The following PTPN6 variants were observed in gnomAD, a reference collection of about 807,000 sequenced individuals.
PTPN6 encodes the protein tyrosine-protein phosphatase non-receptor type 6.
A neutral mutation model predicts 81.5 loss-of-function variants in PTPN6; 18 were observed. The ratio of observed to expected loss-of-function variants is 0.22; its 90% CI spans 0.15 to 0.33. PTPN6 has a LOEUF of 0.33. Among genes scored for constraint, PTPN6 ranks in the 10% least tolerant of loss-of-function variants. The probability of loss-of-function intolerance (pLI) is 1.00; values close to 1 mark genes in which losing one functional copy is unlikely to be tolerated. For synonymous variants in PTPN6, 301 were observed against 310.9 expected (o/e 0.97, Z 0.33); for missense variants, 500 against 794.2 (o/e 0.63, Z 4.45).
rs1179889688 is a variant in PTPN6, at chr12:6,955,588, C to A, written c.748-72C>A. On this transcript the variant is annotated intron_variant, in intron 6 of 15. Coordinates refer to ENST00000318974, the MANE Select transcript of PTPN6 (RefSeq NM_002831.6). This position sits in a 1 kb window ranked among gnomAD's most constrained non-coding sequence, Gnocchi z 7.2. Reference sequence around the variant, plus strand: ...CTCCTTGCCCACCTCTGCTCCTGACCCACCCCACGTGAGCTCCCCCGATGG... The same window carrying A: ...CTCCTTGCCCACCTCTGCTCCTGACACACCCCACGTGAGCTCCCCCGATGG... The A allele has an allele frequency of 6.4e-7, 1 of 1,570,938 alleles. No homozygotes were observed. Among genetic ancestry groups the A allele is most frequent in the African/African-American group, 1.4e-5 (1 of 74,018 alleles).
chr12:6,955,094 G>A lies in PTPN6; in HGVS notation c.517-57G>A. On this transcript the variant is annotated intron_variant, in intron 4 of 15. Transcript: ENST00000318974. This position sits in a 1 kb window ranked among gnomAD's most constrained non-coding sequence, Gnocchi z 7.2. ...TCTGCCTGGGCTTGAATTCAAGGCT[G>A]GGGACCCAGGGAGGGAGACTCAAGT... The A allele has an allele frequency of 6.2e-7, 1 of 1,608,606 alleles. No homozygotes were observed. The highest frequency in any genetic ancestry group is 1.3e-5 in the African/African-American group (1 of 74,924).
upstream of PTPN6, chr12:6,951,291 A>T: frequency 6.8e-7 from 1 of 1,470,086 alleles, no homozygotes; most frequent in East Asian, 2.5e-5. The surrounding 1 kb of genome is among the most constrained non-coding windows in gnomAD (Gnocchi z 7.2). Context: ...GAGAAGTACA[A>T]GTGAGTTCCC....
chr12:6,951,775 T>A lies in PTPN6; in HGVS notation c.131+44T>A, dbSNP rs1383806018. Reference sequence around the variant, plus strand: ...ACCCCGGGCATTTTGGCCACTCTCTTGTGCCATCCAGGCCCTGAACCACTC... The same window carrying A: ...ACCCCGGGCATTTTGGCCACTCTCTAGTGCCATCCAGGCCCTGAACCACTC... On this transcript the variant is annotated intron_variant, in intron 2 of 15. Transcript: ENST00000318974. The surrounding 1 kb of genome is among the most constrained non-coding windows in gnomAD (Gnocchi z 7.2). 6.2e-7 allele frequency: 1 copy of A among 1,605,924 alleles called. No individual in the cohort carries two copies. Among genetic ancestry groups the A allele is most frequent in the Non-Finnish European group, 8.5e-7 (1 of 1,179,928 alleles).
Position 6,956,188 on chromosome 12 carries a change from C to T in PTPN6, c.891C>T (p.Pro297=), listed in dbSNP as rs782293822. Residue 297 remains proline, a synonymous_variant, in exon 8 of 16, where the codon CCC becomes CCT. Coordinates refer to ENST00000318974, the MANE Select transcript of PTPN6 (RefSeq NM_002831.6). The surrounding 1 kb of genome is among the most constrained non-coding windows in gnomAD (Gnocchi z 4.1). ...VILQGRDSNI[P]GSDYINANYI... is the part of the protein sequence containing the mutation. ...TGCAGGGACGGGACAGTAACATCCC[C>T]GGGTCCGACTACATCAATGCCAACT... 14 of 1,614,062 alleles carry T rather than the reference C, an allele frequency of 8.7e-6. No individual in the cohort carries two copies. The East Asian group carries it at 8.9e-5, about 10-fold the overall frequency.
rs781934480 is a variant in PTPN6, at chr12:6,955,550, C to A, written c.747+65C>A. The A allele has an allele frequency of 1.3e-5, 20 of 1,570,390 alleles. No individual in the cohort carries two copies. The highest frequency in any genetic ancestry group is 1.4e-5 in the Non-Finnish European group (16 of 1,141,502). ...GGTGGCAGCGGCCTGGGGCCCCAGG[C>A]GGACACCTTCCCCTCCTTGCCCACC... On this transcript the variant is annotated intron_variant, in intron 6 of 15. Coordinates refer to ENST00000318974, the MANE Select transcript of PTPN6 (RefSeq NM_002831.6). This position sits in a 1 kb window ranked among gnomAD's most constrained non-coding sequence, Gnocchi z 7.2.
rs782480536 is a variant in PTPN6, at chr12:6,951,464, C to G, written c.-49C>G. 1.9e-6 allele frequency: 3 copies of G among 1,612,944 alleles called. No homozygotes were observed. In the Admixed American group the frequency reaches 5.0e-5, roughly 27 times the overall value. ...TGAGCTCTCTGCCTGCCCAGACTAG[C>G]TGCACCTCCTCATTCCCTGCGCCCC... On this transcript the variant is annotated 5_prime_UTR_variant, in exon 1 of 16. Transcript: ENST00000318974. The surrounding 1 kb of genome is among the most constrained non-coding windows in gnomAD (Gnocchi z 7.2).
At chr12:6,958,721 A>G (rs1384277742) in intron 11 of PTPN6, among the ~76,000 whole-genome samples, 3 of 152,174 alleles carry the variant, frequency 2.0e-5, no homozygotes, top group Non-Finnish European at 2.9e-5. Flanking sequence ...AAGGAGGAGC[A>G]GGGGTTCCAC....
rs140497053 is a variant in PTPN6 at position 6,952,726 on chromosome 12, C to T, written c.326+549C>T. 1.3e-3 allele frequency: 251 copies of T among 190,320 alleles called. 1 individual carries two copies. Among genetic ancestry groups the T allele is most frequent in the Middle Eastern group, 7.0e-3 (3 of 426 alleles). 11.8% of individuals were successfully genotyped at this position (190,320 alleles called of 1,614,324 possible). A position where few individuals can be genotyped will look rare whatever the true frequency, so the allele number is the denominator to read the frequency against. On this transcript the variant is annotated intron_variant, in intron 3 of 15. Coordinates refer to ENST00000318974, the MANE Select transcript of PTPN6 (RefSeq NM_002831.6). The surrounding 1 kb of genome is among the most constrained non-coding windows in gnomAD (Gnocchi z 8.1). ...GCCCAAACAGAGATCATTGAGAGCA[C>T]GATGTGAAGTGTTCACCTGTGTAAA...
At position 6,959,695 on chromosome 12, in the gene PTPN6, T is replaced by C; in HGVS notation, c.1362-232T>C. 1.7e-6 allele frequency: 1 copy of C among 600,320 alleles called. No homozygotes were observed. Among genetic ancestry groups the C allele is most frequent in the Non-Finnish European group, 3.0e-6 (1 of 336,164 alleles). The allele number at this position is 600,320 out of a possible 1,614,324, so 37.2% of individuals were successfully genotyped here. A position where few individuals can be genotyped will look rare whatever the true frequency, so the allele number is the denominator to read the frequency against. On this transcript the variant is annotated intron_variant, in intron 11 of 15. Coordinates refer to ENST00000318974, the MANE Select transcript of PTPN6 (RefSeq NM_002831.6). This position sits in a 1 kb window ranked among gnomAD's most constrained non-coding sequence, Gnocchi z 6.6. ...GCGCGAGGAGTGGAGGAGGGAAGGA[T>C]GGTGGCAGCTGGGGAGCCAGCGTCA...
In PTPN6 at chr12:6,959,592, C is replaced by T. The variant is rs782128881; in HGVS notation, c.1362-335C>T. The T allele has an allele frequency of 1.0e-5, 5 of 501,808 alleles. No individual in the cohort carries two copies. The highest frequency in any genetic ancestry group is 7.2e-5 in the East Asian group (2 of 27,726). 31.1% of individuals were successfully genotyped at this position (501,808 alleles called of 1,614,324 possible). On this transcript the variant is annotated intron_variant, in intron 11 of 15. Coordinates refer to ENST00000318974, the MANE Select transcript of PTPN6 (RefSeq NM_002831.6). This position sits in a 1 kb window ranked among gnomAD's most constrained non-coding sequence, Gnocchi z 6.6. ...GGGGAGGGCTCAGGGTACCTGGGAG[C>T]CGGCAGGACAGTGGTGGGATTTGGG...
Position 6,954,875 on chromosome 12 carries a change from T to C in PTPN6, c.397T>C (p.Phe133Leu). 1.2e-6 allele frequency: 2 copies of C among 1,614,184 alleles called. No homozygotes were observed. The highest frequency in any genetic ancestry group is 1.7e-6 in the Non-Finnish European group (2 of 1,180,030). ...GCAGGCCAAGGGCGAGCCCTGGACGTTTCTTGTGCGTGAGAGCCTCAGCCA... is the reference window on the plus strand; with the variant it reads ...GCAGGCCAAGGGCGAGCCCTGGACGCTTCTTGTGCGTGAGAGCCTCAGCCA... ...LLQAKGEPWT[F>L]LVRESLSQPG... The change falls in exon 4 of 16, where the codon TTT (phenylalanine) becomes CTT (leucine). Residue 133 changes from phenylalanine to leucine, a missense_variant. Transcript: ENST00000318974. This position sits in a 1 kb window ranked among gnomAD's most constrained non-coding sequence, Gnocchi z 5.4.
At chr12:6,946,759 G>A, upstream of PTPN6, 1 of 1,608,488 alleles carries the variant, frequency 6.2e-7, no homozygotes, top group South Asian at 1.1e-5. Flanking sequence ...GGGCACCATC[G>A]GGGTCCCAGT....
rs782531259 is a variant in PTPN6, at chr12:6,955,946, C to A, written c.844+190C>A. ...TCCCCACCACCAGCAGGCAGGTTGC[C>A]CCCTGCTCCCAACCTCCTTGTGAAC... is the stretch of plus-strand genomic sequence containing the variant. On this transcript the variant is annotated intron_variant, in intron 7 of 15. Transcript: ENST00000318974. This position sits in a 1 kb window ranked among gnomAD's most constrained non-coding sequence, Gnocchi z 7.2. 1.1e-3 allele frequency among the ~76,000 whole-genome samples: 165 copies of A among 151,976 alleles called. No individual in the cohort carries two copies. Among genetic ancestry groups the A allele is most frequent in the Non-Finnish European group, 2.1e-3 (141 of 67,924 alleles).
In PTPN6 at chr12:6,952,294, C is replaced by A; in HGVS notation, c.326+117C>A. The A allele has an allele frequency of 8.0e-7, 1 of 1,255,962 alleles. No individual in the cohort carries two copies. The highest frequency in any genetic ancestry group is 2.4e-5 in the East Asian group (1 of 41,874). The allele number at this position is 1,255,962 out of a possible 1,614,324, so 77.8% of individuals were successfully genotyped here. A position where few individuals can be genotyped will look rare whatever the true frequency, so the allele number is the denominator to read the frequency against. On this transcript the variant is annotated intron_variant, in intron 3 of 15. Coordinates refer to ENST00000318974, the MANE Select transcript of PTPN6 (RefSeq NM_002831.6). The surrounding 1 kb of genome is among the most constrained non-coding windows in gnomAD (Gnocchi z 8.1). ...CTGCCTACCCTCCATCCCCTCCCCT[C>A]CCTGCACCAGCTGGGGCTCTCAATG...
upstream of PTPN6, among the ~76,000 whole-genome samples, chr12:6,947,403 T>C (rs782593430): frequency 2.0e-4 from 30 of 152,264 alleles, no homozygotes; most frequent in Admixed American, 4.6e-4. Flanking sequence ...GGTGTAGTGG[T>C]TCACACCTGT....
chr12:6,955,808 G>T lies in PTPN6; in HGVS notation c.844+52G>T, dbSNP rs1555148567. Reference sequence around the variant, plus strand: ...CCAGGATACCGCCCCTGCCCCAGCTGCCTCCCCTCATCTCACAGGTCTCCA... The same window carrying T: ...CCAGGATACCGCCCCTGCCCCAGCTTCCTCCCCTCATCTCACAGGTCTCCA... On this transcript the variant is annotated intron_variant, in intron 7 of 15. Transcript: ENST00000318974. This position sits in a 1 kb window ranked among gnomAD's most constrained non-coding sequence, Gnocchi z 7.2. 1 of 1,534,022 alleles carries T rather than the reference G, an allele frequency of 6.5e-7. No individual in the cohort carries two copies. Among genetic ancestry groups the T allele is most frequent in the Admixed American group, 1.7e-5 (1 of 59,400 alleles).
Position 6,952,061 on chromosome 12 carries a change from G to C in PTPN6, c.210G>C (p.Ala70=). 1.9e-6 allele frequency: 3 copies of C among 1,614,114 alleles called. No individual in the cohort carries two copies. The highest frequency in any genetic ancestry group is 2.2e-5 in the East Asian group (1 of 44,884). The change falls in exon 3 of 16, where the codon GCG becomes GCC. Residue 70 remains alanine (A), a synonymous_variant. Transcript: ENST00000318974. This position sits in a 1 kb window ranked among gnomAD's most constrained non-coding sequence, Gnocchi z 8.1. ...FYDLYGGEKF[A]TLTELVEYYT... ...ACCTGTATGGAGGGGAGAAGTTTGC[G>C]ACTCTGACAGAGCTGGTGGAGTACT... is the stretch of plus-strand genomic sequence containing the variant.
In PTPN6 at chr12:6,958,044, T is replaced by C; in HGVS notation, c.1332T>C (p.Pro444=). The C allele has an allele frequency of 4.3e-6, 7 of 1,612,834 alleles. 1 individual carries two copies. The South Asian group carries it at 7.7e-5, about 18-fold the overall frequency. The change falls in exon 11 of 16, where the codon CCT becomes CCC. Residue 444 remains proline, a synonymous_variant. Transcript: ENST00000318974. ...DQINQRQESL[P]HAGPIIVHCS... is the part of the protein sequence containing the mutation. Reference sequence around the variant, plus strand: ...TCAACCAGCGGCAGGAAAGTCTGCCTCACGCAGGGCCCATCATCGTGCACT... The same window carrying C: ...TCAACCAGCGGCAGGAAAGTCTGCCCCACGCAGGGCCCATCATCGTGCACT...
upstream of PTPN6, among the ~76,000 whole-genome samples, chr12:6,949,976 T>A (rs1945896860): frequency 1.4e-5 from 2 of 141,680 alleles, no homozygotes; most frequent in South Asian, 4.8e-4. Context: ...GAGTTGGGGT[T>A]TCACTATGTT....
Sources: allele counts gnomAD v4.1 joint callset (sites outside exome capture counted in the v4.1 genomes callset), GRCh38; gene constraint gnomAD v4.1.1; non-coding constraint Gnocchi (gnomAD v3.1); transcripts MANE v1.5; gene names NCBI Gene and HGNC (gene_info 2026-07-23, HGNC 2026-07-21).